Variants in PIK3C2G observed in about 807,000 individuals in gnomAD.
PIK3C2G encodes phosphatidylinositol-4-phosphate 3-kinase catalytic subunit type 2 gamma, also known as phosphatidylinositol 3-kinase C2 domain-containing subunit gamma.
In PIK3C2G, 168 loss-of-function variants were observed where a neutral mutation model predicts 181.1. The observed-to-expected ratio is 0.93, with a 90% CI of 0.82 to 1.05. PIK3C2G has a LOEUF of 1.05. PIK3C2G is among the 50% of genes least tolerant of loss of function. The pLI, the probability that PIK3C2G is intolerant of heterozygous loss-of-function variation, is 0.00. For synonymous variants in PIK3C2G, 573 were observed against 592.2 expected, an observed-to-expected ratio of 0.97 and a Z score of 0.47; for missense variants, 1,869 against 1,732.8, an observed-to-expected ratio of 1.08 and a Z score of -1.40.
At chr12:18,547,995 G>A (rs78249169) in intron 26 of PIK3C2G, among the ~76,000 whole-genome samples, 5,631 of 152,012 alleles carry the variant, frequency 0.037, 217 homozygotes, top group African/African-American at 0.099. Context: ...AGTCTGGAAG[G>A]TCCTTCAGAA....
chr12:18,482,235 A>G (rs1175005177), intron 18 of PIK3C2G, among the ~76,000 whole-genome samples: 2 of 132,514 alleles, frequency 1.5e-5, no homozygotes, highest in African/African-American at 2.8e-5. Context: ...ATGATCTGTT[A>G]TTTCACTCTT....
At chr12:18,439,313 T>G (rs796778770) in intron 18 of PIK3C2G, among the ~76,000 whole-genome samples, 11 of 152,134 alleles carry the variant, frequency 7.2e-5, no homozygotes, top group African/African-American at 2.6e-4. Context: ...AGTTGATACA[T>G]GTTTTTGCAT....
chr12:18,563,455 C>A lies in PIK3C2G; in HGVS notation c.3859C>A (p.His1287Asn), dbSNP rs1433091863. Reference sequence around the variant, plus strand: ...ATCATTTGAGCAGTTTTCAAAACTTCACAGCCAACTTCAGAAGCAGTTTGC... The same window carrying A: ...ATCATTTGAGCAGTTTTCAAAACTTAACAGCCAACTTCAGAAGCAGTTTGC... ...EKSFEQFSKLHSQLQKQFASL... is the reference protein window; with the variant it reads ...EKSFEQFSKLNSQLQKQFASL... Residue 1287 changes from histidine to asparagine, a missense_variant, in exon 28 of 33, where the codon CAC becomes AAC. Physicochemically the swap from His to Asn is moderately conservative, Grantham distance 68 (BLOSUM62 1). Coordinates refer to ENST00000538779, the MANE Select transcript of PIK3C2G (RefSeq NM_001288772.2). 6.2e-7 allele frequency: 1 copy of A among 1,613,782 alleles called. No homozygotes were observed. Among genetic ancestry groups the A allele is most frequent in the East Asian group, 2.2e-5 (1 of 44,850 alleles).
chr12:18,474,402 G>A (rs952913438), intron 18 of PIK3C2G, among the ~76,000 whole-genome samples: 7 of 152,186 alleles, frequency 4.6e-5, no homozygotes, highest in South Asian at 2.1e-4. Context: ...GTAATGAGAC[G>A]TCCTGAAGCA....
intron 7 of PIK3C2G, among the ~76,000 whole-genome samples, chr12:18,322,958 A>G (rs1401785492): frequency 1.3e-5 from 2 of 152,144 alleles, no homozygotes; most frequent in African/African-American, 2.4e-5. Context: ...ACACACATAC[A>G]CCTCAAATAT....
the PIK3C2G span, among the ~76,000 whole-genome samples, chr12:18,662,146 G>A: frequency 2.0e-5 from 3 of 152,018 alleles, no homozygotes. Flanking sequence ...TGCAAGGAGG[G>A]TGAAGATTGA....
chr12:18,376,272 G>A (rs1942432264), intron 13 of PIK3C2G, among the ~76,000 whole-genome samples: 1 of 152,218 alleles, frequency 6.6e-6, no homozygotes, highest in Non-Finnish European at 1.5e-5. Flanking sequence ...TGCTTGGAAT[G>A]TGGGATATGG....
At chr12:18,523,585 C>T (rs1472976199) in intron 24 of PIK3C2G, among the ~76,000 whole-genome samples, 3 of 152,168 alleles carry the variant, frequency 2.0e-5, no homozygotes, top group African/African-American at 7.2e-5. Context: ...CTGTTCATTT[C>T]TAGGATTGGG....
intron 24 of PIK3C2G, among the ~76,000 whole-genome samples, chr12:18,522,342 CT>C (rs907740169): frequency 6.6e-6 from 1 of 152,126 alleles, no homozygotes; most frequent in Non-Finnish European, 1.5e-5. Flanking sequence ...ACCATTGAGC[CT>C]TTTTTTCTCG....
chr12:18,715,461 G>C, the PIK3C2G span, among the ~76,000 whole-genome samples: 12 of 151,596 alleles, frequency 7.9e-5, no homozygotes, highest in African/African-American at 2.9e-4. Flanking sequence ...GGGTGCAGTG[G>C]CGCGATCTCG....
rs756098434 is a variant in PIK3C2G at position 18,496,165 on chromosome 12, G to A, written c.2886+11G>A. The A allele has an allele frequency of 2.8e-5, 40 of 1,442,908 alleles. No individual in the cohort carries two copies. The highest frequency in any genetic ancestry group is 1.6e-4 in the South Asian group (12 of 77,406). 89.4% of individuals were successfully genotyped at this position (1,442,908 alleles called of 1,614,324 possible). ...AGCATTATTTTTAAGGTATGGTAGC[G>A]CTCTTAAAACATGAATTGATTCCAT... On this transcript the variant is annotated intron_variant, in intron 21 of 32. Coordinates refer to ENST00000538779, the MANE Select transcript of PIK3C2G (RefSeq NM_001288772.2).
intron 15 of PIK3C2G, among the ~76,000 whole-genome samples, chr12:18,392,870 T>C (rs4763502): frequency 0.13 from 19,466 of 152,070 alleles, 1,275 homozygotes; most frequent in African/African-American, 0.16. Context: ...GTATAAAAAG[T>C]TGCCTTAAGA....
the PIK3C2G span, chr12:18,693,555 T>C: frequency 6.8e-6 from 11 of 1,607,758 alleles, no homozygotes; most frequent in Non-Finnish European, 9.4e-6. Flanking sequence ...CAGAAGTACC[T>C]AGGTGATGGG....
At chr12:18,310,545 T>A (rs900944090) in intron 5 of PIK3C2G, among the ~76,000 whole-genome samples, 3 of 151,926 alleles carry the variant, frequency 2.0e-5, no homozygotes, top group African/African-American at 7.2e-5. Context: ...GAGAACTGAA[T>A]TGAAGTCATA....
chr12:18,518,153 A>G (rs1423618517), intron 24 of PIK3C2G, among the ~76,000 whole-genome samples: 2 of 151,976 alleles, frequency 1.3e-5, no homozygotes, highest in Non-Finnish European at 2.9e-5. Flanking sequence ...TTTATTGAGG[A>G]TTTTCGCATT....
At chr12:18,348,524 A>G (rs1592023422) in intron 11 of PIK3C2G, among the ~76,000 whole-genome samples, 2 of 152,178 alleles carry the variant, frequency 1.3e-5, no homozygotes, top group African/African-American at 4.8e-5. Flanking sequence ...CAATAAATAA[A>G]TTAGGGCTTT....
intron 6 of PIK3C2G, 120 bp from the exon 7 acceptor site, chr12:18,320,842 C>CA: frequency 4.7e-6 from 3 of 635,204 alleles, no homozygotes; most frequent in Non-Finnish European, 8.4e-6. Flanking sequence ...AATATAAAAG[C>CA]GATGAATGAG....
chr12:18,259,387 A>G (rs1948180721), upstream of PIK3C2G, among the ~76,000 whole-genome samples: 2 of 152,096 alleles, frequency 1.3e-5, no homozygotes, highest in African/African-American at 4.8e-5. Context: ...TTTAAAGACA[A>G]CTCTGCTAAG....
At chr12:18,502,828 G>C (rs1246417624) in intron 22 of PIK3C2G, among the ~76,000 whole-genome samples, 1 of 152,198 alleles carries the variant, frequency 6.6e-6, no homozygotes, top group African/African-American at 2.4e-5. Context: ...TAACTGTGAA[G>C]CTTTTTTTAA....
Sources: allele counts gnomAD v4.1 joint callset (sites outside exome capture counted in the v4.1 genomes callset), GRCh38; gene constraint gnomAD v4.1.1; transcripts MANE v1.5; gene names NCBI Gene and HGNC (gene_info 2026-07-23, HGNC 2026-07-21).